Variants in SMARCA2 observed in about 807,000 individuals in gnomAD.
SMARCA2 encodes the protein SWI/SNF related BAF chromatin remodeling complex subunit ATPase 2.
SMARCA2 carries 61 observed loss-of-function variants against 199.8 expected under a neutral mutation model. The ratio of observed to expected loss-of-function variants is 0.31; its 90% CI spans 0.25 to 0.38. The LOEUF is 0.38. Ranked by LOEUF, SMARCA2 falls within the 10% of genes least tolerant of loss-of-function variation. The pLI, the probability that SMARCA2 is intolerant of heterozygous loss-of-function variation, is 1.00. For missense variants in SMARCA2, 1,344 were observed against 2,012.2 expected (o/e 0.67, Z 6.35); for synonymous variants, 935 against 732.0 (o/e 1.28, Z -4.48).
intron 27 of SMARCA2, among the ~76,000 whole-genome samples, chr9:2,154,674 A>G (rs1242441113): frequency 6.6e-6 from 1 of 152,198 alleles, no homozygotes; most frequent in Non-Finnish European, 1.5e-5. Context: ...CAGGCCTCAC[A>G]CATTCATGAA....
At chr9:2,053,685 A>G (rs1477069881) in intron 5 of SMARCA2, among the ~76,000 whole-genome samples, 1 of 152,192 alleles carries the variant, frequency 6.6e-6, no homozygotes, top group Non-Finnish European at 1.5e-5. Context: ...AGTTCAGTAC[A>G]GTTTGCCTCA....
intron 20 of SMARCA2, 111 bp downstream of exon 20, chr9:2,096,875 A>G (rs571552352): frequency 9.6e-6 from 7 of 730,002 alleles, no homozygotes; most frequent in South Asian, 3.1e-5. Flanking sequence ...GTTAAAGTAA[A>G]TCACTGGACC....
intron 27 of SMARCA2, among the ~76,000 whole-genome samples, chr9:2,146,161 C>G (rs973118131): frequency 6.6e-6 from 1 of 152,200 alleles, no homozygotes; most frequent in African/African-American, 2.4e-5. Flanking sequence ...GATTCTGTTT[C>G]CTGGTTCATA....
At position 2,169,579 on chromosome 9, in the gene SMARCA2, C is replaced by G. The variant is rs1023450280; in HGVS notation, c.4200-840C>G. Among the ~76,000 whole-genome samples the G allele has an allele frequency of 1.4e-4, 21 of 152,164 alleles. No individual in the cohort carries two copies. Among genetic ancestry groups the G allele is most frequent in the African/African-American group, 4.6e-4 (19 of 41,444 alleles). ...GCAACACCCCGACCCCACACTGACT[C>G]TAGAGCAGAATGGGGCAGTGACTCC... On this transcript the variant is annotated intron_variant, in intron 28 of 33. Coordinates refer to ENST00000349721, the MANE Select transcript of SMARCA2 (RefSeq NM_003070.5). This position sits in a 1 kb window ranked among gnomAD's most constrained non-coding sequence, Gnocchi z 6.5.
intron 10 of SMARCA2, among the ~76,000 whole-genome samples, chr9:2,072,891 C>T (rs1481196151): frequency 6.6e-6 from 1 of 152,222 alleles, no homozygotes; most frequent in Non-Finnish European, 1.5e-5. Context: ...ATTGTTGCCA[C>T]TGTGGTCTGC....
At chr9:2,158,738 G>A in intron 27 of SMARCA2, 1 of 435,354 alleles carries the variant, frequency 2.3e-6, no homozygotes. Context: ...TAAAATAAAA[G>A]AACAGTTTAA....
In SMARCA2 at chr9:2,191,442, C is replaced by T. The variant is rs147073322; in HGVS notation, c.4737+34C>T. 5.3e-5 allele frequency: 85 copies of T among 1,611,186 alleles called. No individual in the cohort carries two copies. In the East Asian group the frequency reaches 6.9e-4, roughly 13 times the overall value. ...AGCCGACTGGGACTGAAGGCGGAGA[C>T]GCCCTCTCCCCTGCTTGCTGGCCTC... On this transcript the variant is annotated intron_variant, in intron 33 of 33. Coordinates refer to ENST00000349721, the MANE Select transcript of SMARCA2 (RefSeq NM_003070.5).
intron 27 of SMARCA2, among the ~76,000 whole-genome samples, chr9:2,151,578 A>G (rs1198878901): frequency 6.6e-6 from 1 of 151,956 alleles, no homozygotes; most frequent in Non-Finnish European, 1.5e-5. Context: ...CTAAAAATAC[A>G]AAAAAATTGG....
chr9:2,186,247 G>T lies in SMARCA2; in HGVS notation c.4594+19G>T. The stretch of plus-strand genomic sequence containing the variant: ...TCCGAGGGTAAGCCCAGACATTCGG[G>T]TCCTGTACATCTTTGCCCCTCCTCA... On this transcript the variant is annotated intron_variant, in intron 32 of 33. Coordinates refer to ENST00000349721, the MANE Select transcript of SMARCA2 (RefSeq NM_003070.5). The T allele has an allele frequency of 6.8e-6, 11 of 1,607,972 alleles. No homozygotes were observed. The highest frequency in any genetic ancestry group is 9.4e-6 in the Non-Finnish European group (11 of 1,176,356).
chr9:2,050,783 G>C (rs1820083696), intron 5 of SMARCA2, among the ~76,000 whole-genome samples: 1 of 152,176 alleles, frequency 6.6e-6, no homozygotes, highest in African/African-American at 2.4e-5. Flanking sequence ...AAATGTACCA[G>C]TGTCATTTTC....
chr9:2,046,909 C>T (rs193224635), intron 4 of SMARCA2, among the ~76,000 whole-genome samples: 46 of 152,266 alleles, frequency 3.0e-4, no homozygotes, highest in Admixed American at 2.3e-3. Context: ...ATTAAGTCAC[C>T]GTCATTTTGG....
chr9:2,177,735 A>G (rs1241984275), intron 29 of SMARCA2, among the ~76,000 whole-genome samples: 2 of 151,934 alleles, frequency 1.3e-5, no homozygotes, highest in Non-Finnish European at 2.9e-5. Context: ...TATTTTTAGT[A>G]GAGAGGGGGT....
chr9:2,135,885 A>C (rs748962692), intron 27 of SMARCA2, among the ~76,000 whole-genome samples: 3 of 151,766 alleles, frequency 2.0e-5, no homozygotes, highest in Non-Finnish European at 2.9e-5. Flanking sequence ...TCTGTCGCCC[A>C]GGTTGGAGTG....
rs763658497 is a variant in SMARCA2, at chr9:2,077,677, C to T, written c.2085C>T (p.Ala695=). 1 of 1,614,052 alleles carries T rather than the reference C, an allele frequency of 6.2e-7. No homozygotes were observed. Among genetic ancestry groups the T allele is most frequent in the South Asian group, 1.1e-5 (1 of 91,068 alleles). The change falls in exon 14 of 34, where the codon GCC becomes GCT. Residue 695 remains alanine, a synonymous_variant. Transcript: ENST00000349721. The part of the protein sequence containing the change: ...VDDEYSMQYS[A]RGSQSYYTVA... ...ATGAATACAGCATGCAGTACAGTGC[C>T]AGGGGCTCCCAGTCCTACTACACCG...
intron 13 of SMARCA2, among the ~76,000 whole-genome samples, chr9:2,077,043 G>C (rs1051266556): frequency 1.3e-5 from 2 of 152,128 alleles, no homozygotes; most frequent in Non-Finnish European, 2.9e-5. Context: ...CCTCCTAGCA[G>C]TCTGCCCTGA....
intron 2 of SMARCA2, 117 bp from the exon 3 acceptor site, chr9:2,032,835 A>G: frequency 6.1e-6 from 5 of 817,716 alleles, no homozygotes; most frequent in South Asian, 1.9e-5. Context: ...TAACTCTAGA[A>G]TGGGTAGTAG....
intron 14 of SMARCA2, among the ~76,000 whole-genome samples, chr9:2,080,751 C>G (rs1821532829): frequency 6.6e-6 from 1 of 152,154 alleles, no homozygotes; most frequent in Non-Finnish European, 1.5e-5. Context: ...TGCTTCAAAC[C>G]AATGCGGTGT....
chr9:2,184,518 A>G (rs1188574410), intron 31 of SMARCA2, among the ~76,000 whole-genome samples: 1 of 151,206 alleles, frequency 6.6e-6, no homozygotes, highest in Non-Finnish European at 1.5e-5. Context: ...TGCCCGGCTA[A>G]TTTTTGTATT....
At chr9:2,085,732 T>A (rs1821773939) in intron 17 of SMARCA2, 2 of 152,292 alleles carry the variant, frequency 1.3e-5, no homozygotes, top group Non-Finnish European at 1.5e-5. Context: ...GTCTGATGCT[T>A]CTAATGAGGA....
Sources: gnomAD v4.1 joint callset for allele counts (sites outside exome capture counted in the v4.1 genomes callset) on GRCh38, gnomAD v4.1.1 for gene constraint, Gnocchi (gnomAD v3.1) non-coding constraint, MANE v1.5 for transcripts, NCBI Gene and HGNC (gene_info 2026-07-23, HGNC 2026-07-21) for gene names.